The following SCAI variants were observed in gnomAD, a reference collection of about 807,000 sequenced individuals.
SCAI encodes suppressor of cancer cell invasion, also known as protein SCAI.
SCAI carries 24 observed loss-of-function variants against 92.2 expected under a neutral mutation model. That is an observed-to-expected ratio of 0.26 (90% CI 0.19 to 0.37). SCAI has a LOEUF of 0.37. SCAI is among the 10% of genes least tolerant of loss of function. SCAI has a pLI of 1.00. For synonymous variants in SCAI, 261 were observed against 258.6 expected, an observed-to-expected ratio of 1.01 and a Z score of -0.09; for missense variants, 450 against 736.2, an observed-to-expected ratio of 0.61 and a Z score of 4.50.
intron 9 of SCAI, among the ~76,000 whole-genome samples, chr9:125,007,453 C>G (rs1189067155): frequency 6.6e-6 from 1 of 152,092 alleles, no homozygotes; most frequent in African/African-American, 2.4e-5. Flanking sequence ...ATTTGGGAGG[C>G]TAGGGCAGAA....
intron 2 of SCAI, among the ~76,000 whole-genome samples, chr9:125,085,064 A>C (rs1834298938): frequency 6.6e-6 from 1 of 152,236 alleles, no homozygotes; most frequent in African/African-American, 2.4e-5. Flanking sequence ...ATCCTATTAA[A>C]AAGTAACCAC....
intron 2 of SCAI, among the ~76,000 whole-genome samples, chr9:125,090,159 T>C (rs945734031): frequency 6.6e-6 from 1 of 152,232 alleles, no homozygotes; most frequent in Non-Finnish European, 1.5e-5. Flanking sequence ...TACTAGGAGC[T>C]AGGCATATTT....
intron 17 of SCAI, among the ~76,000 whole-genome samples, chr9:124,964,770 C>T (rs1831506454): frequency 6.6e-6 from 1 of 152,192 alleles, no homozygotes; most frequent in Non-Finnish European, 1.5e-5. Context: ...TTCAAGGACA[C>T]AGCATCAACG....
chr9:124,951,586 T>G lies in SCAI; in HGVS notation c.*1221A>C, dbSNP rs1239264606. 2.0e-5 allele frequency: 3 copies of G among 152,186 alleles called. No individual in the cohort carries two copies. The highest frequency in any genetic ancestry group is 2.9e-5 in the Non-Finnish European group (2 of 68,042). 9.4% of individuals were successfully genotyped at this position (152,186 alleles called of 1,614,324 possible). On this transcript the variant is annotated 3_prime_UTR_variant, in exon 18 of 18. Coordinates refer to ENST00000336505, the MANE Select transcript of SCAI (RefSeq NM_001144877.3). ...TCAAAAGCAATCAGCTCACTTCTCC[T>G]GGGACTGCCAGATGTGATCCTGTAC...
chr9:125,128,427 C>T (rs1273555629), intron 2 of SCAI, among the ~76,000 whole-genome samples: 1 of 152,134 alleles, frequency 6.6e-6, no homozygotes, highest in Admixed American at 6.6e-5. Context: ...CGAGACCAGC[C>T]TGGCCAACAT....
intron 2 of SCAI, among the ~76,000 whole-genome samples, chr9:125,138,113 C>T (rs1835578409): frequency 5.3e-5 from 8 of 152,042 alleles, no homozygotes; most frequent in Admixed American, 5.3e-4. Context: ...TATTTTTAAT[C>T]TTCTCATTTT....
intron 2 of SCAI, among the ~76,000 whole-genome samples, chr9:125,104,977 T>A (rs56072421): frequency 0.13 from 19,732 of 148,502 alleles, 1,377 homozygotes; most frequent in East Asian, 0.23. Context: ...AAAAAAAAAA[T>A]TTAGTGTCAA....
intron 2 of SCAI, among the ~76,000 whole-genome samples, chr9:125,095,463 A>T (rs529779279): frequency 2.5e-4 from 38 of 152,382 alleles, no homozygotes; most frequent in African/African-American, 7.9e-4. Context: ...ATAAAACAGA[A>T]AATGAACATC....
At chr9:125,073,176 C>A (rs10986543) in intron 2 of SCAI, among the ~76,000 whole-genome samples, 1 of 131,760 alleles carries the variant, frequency 7.6e-6, no homozygotes, top group Non-Finnish European at 1.6e-5. Context: ...GCGATCTCGG[C>A]TCACTGCAAG....
intron 17 of SCAI, 96 bp from the exon 18 acceptor site, chr9:124,953,049 C>A: frequency 1.1e-6 from 1 of 951,636 alleles, no homozygotes; most frequent in Non-Finnish European, 1.6e-6. Context: ...TGTATTTTCA[C>A]TTTTATACTG....
intron 17 of SCAI, among the ~76,000 whole-genome samples, chr9:124,959,517 T>C (rs10986494): frequency 1.5e-3 from 202 of 139,182 alleles, no homozygotes; most frequent in African/African-American, 5.4e-3. Flanking sequence ...TATATATATA[T>C]ACACACATAT....
rs899221136 is a variant in SCAI, at chr9:125,121,293, A to G, written c.98+21340T>C. On this transcript the variant is annotated intron_variant, in intron 2 of 17. Transcript: ENST00000336505. ...TGGAGAGAACAATAGATGACATACG[A>G]GATGCTGGAAAAAAGATGAATCAAA... is the stretch of plus-strand genomic sequence containing the variant. Among the ~76,000 whole-genome samples, 3 of 148,484 alleles carry G rather than the reference A, an allele frequency of 2.0e-5. No homozygotes were observed. In the Admixed American group the frequency reaches 2.1e-4, roughly 10 times the overall value.
chr9:125,027,916 T>C (rs1423923411), intron 5 of SCAI, among the ~76,000 whole-genome samples: 1 of 152,220 alleles, frequency 6.6e-6, no homozygotes, highest in Non-Finnish European at 1.5e-5. Flanking sequence ...GGACCCTTCT[T>C]GTTTTCTGAA....
chr9:124,951,747 G>C lies in SCAI; in HGVS notation c.*1060C>G, dbSNP rs1288133425. On this transcript the variant is annotated 3_prime_UTR_variant, in exon 18 of 18. Coordinates refer to ENST00000336505, the MANE Select transcript of SCAI (RefSeq NM_001144877.3). The stretch of plus-strand genomic sequence containing the variant: ...TGACAGGGAAGGAAAACACAAAAAA[G>C]AAAAATCTTTATAATATACACTGAG... 6.6e-6 allele frequency: 1 copy of C among 151,940 alleles called. No homozygotes were observed. The highest frequency in any genetic ancestry group is 1.5e-5 in the Non-Finnish European group (1 of 67,946). The allele number at this position is 151,940 out of a possible 1,614,324, so 9.4% of individuals were successfully genotyped here.
In SCAI at chr9:125,077,177, C is replaced by T. The variant is rs565926694; in HGVS notation, c.99-21170G>A. Among the ~76,000 whole-genome samples, 137 of 152,294 alleles carry T rather than the reference C, an allele frequency of 9.0e-4. 4 individuals are homozygous for T. In the South Asian group the frequency reaches 0.028, roughly 31 times the overall value. On this transcript the variant is annotated intron_variant, in intron 2 of 17. Coordinates refer to ENST00000336505, the MANE Select transcript of SCAI (RefSeq NM_001144877.3). ...TGTATTCCGTCACAATTCTGCTTTC[C>T]TACATTTCATGTTTTGTCTACAATA...
intron 9 of SCAI, among the ~76,000 whole-genome samples, chr9:125,006,177 C>G (rs1333146217): frequency 6.6e-6 from 1 of 152,086 alleles, no homozygotes; most frequent in Non-Finnish European, 1.5e-5. Context: ...AAAAAAGGCA[C>G]GCCTGATTCA....
At chr9:125,095,203 C>A (rs996715751) in intron 2 of SCAI, among the ~76,000 whole-genome samples, 2 of 152,200 alleles carry the variant, frequency 1.3e-5, no homozygotes, top group African/African-American at 4.8e-5. Flanking sequence ...CAAAGCAGGG[C>A]AACTCTAAAA....
At chr9:124,968,799 C>T (rs1030180942) in intron 17 of SCAI, 9 of 760,086 alleles carry the variant, frequency 1.2e-5, no homozygotes, top group Non-Finnish European at 2.1e-5. Context: ...GATTCCAGTG[C>T]GCAGGCCCCA....
chr9:125,125,214 C>T (rs111273666), intron 2 of SCAI, among the ~76,000 whole-genome samples: 5,036 of 151,886 alleles, frequency 0.033, 244 homozygotes, highest in African/African-American at 0.11. Flanking sequence ...GAGCGAAACT[C>T]TGTCTTAAAA....
Sources: gnomAD v4.1 joint callset for allele counts (sites outside exome capture counted in the v4.1 genomes callset) on GRCh38, gnomAD v4.1.1 for gene constraint, MANE v1.5 for transcripts, NCBI Gene and HGNC (gene_info 2026-07-23, HGNC 2026-07-21) for gene names.